The following FBN2 variants were observed in gnomAD, a reference collection of about 807,000 sequenced individuals.
FBN2 encodes fibrillin-2.
In FBN2, 105 loss-of-function variants were observed where a neutral mutation model predicts 355.6. The observed-to-expected ratio is 0.30, with a 90% CI of 0.25 to 0.35. The LOEUF is 0.35. FBN2 is among the 10% of genes least tolerant of loss of function. The pLI, the probability that FBN2 is intolerant of heterozygous loss-of-function variation, is 1.00. For missense variants in FBN2, 3,280 were observed against 3,758.7 expected, an observed-to-expected ratio of 0.87 and a Z score of 3.33; for synonymous variants, 1,350 against 1,301.2, an observed-to-expected ratio of 1.04 and a Z score of -0.81.
rs1561434159 is a variant in FBN2, at chr5:128,393,022, C to A, written c.1465+113G>T. ...TCTCTCGCACCCACAAACACACACA[C>A]ACATGTGCAAGTGTGTTCATACAAC... On this transcript the variant is annotated intron_variant, in intron 10 of 64. Coordinates refer to ENST00000262464, the MANE Select transcript of FBN2 (RefSeq NM_001999.4). 6 of 866,084 alleles carry A rather than the reference C, an allele frequency of 6.9e-6. No individual in the cohort carries two copies. In the East Asian group the frequency reaches 1.5e-4, roughly 22 times the overall value. 53.6% of individuals were successfully genotyped at this position (866,084 alleles called of 1,614,324 possible). A position where few individuals can be genotyped will look rare whatever the true frequency, so the allele number is the denominator to read the frequency against.
At position 128,527,965 on chromosome 5, in the gene FBN2, G is replaced by C; in HGVS notation, c.439C>G (p.Gln147Glu). 1 of 1,604,364 alleles carries C rather than the reference G, an allele frequency of 6.2e-7. No individual in the cohort carries two copies. The highest frequency in any genetic ancestry group is 1.1e-5 in the South Asian group (1 of 90,872). ...ISSTCGSKSI[Q>E]QCSVRCMNGG... is the part of the protein sequence containing the mutation. The stretch of plus-strand genomic sequence containing the variant: ...TTCATGCATCTCACACTGCACTGCT[G>C]AACTGCAAAGAGCAATAACAAAAAG... The change falls in exon 4 of 65, where the codon CAG becomes GAG. Residue 147 changes from glutamine to glutamate, a missense_variant and splice_region_variant. Gln to Glu is a conservative substitution (Grantham distance 29). This residue lies in a region of FBN2 where 130 missense variants were observed against 189.9 expected (regional missense o/e 0.68). Transcript: ENST00000262464.
intron 48 of FBN2, among the ~76,000 whole-genome samples, chr5:128,297,699 C>G (rs1749566762): frequency 6.6e-6 from 1 of 152,154 alleles, no homozygotes; most frequent in South Asian, 2.1e-4. Flanking sequence ...GTAGATCTTC[C>G]TCCATCCTTT....
At chr5:128,316,837 A>C (rs1383924559) in intron 36 of FBN2, among the ~76,000 whole-genome samples, 3 of 149,198 alleles carry the variant, frequency 2.0e-5, no homozygotes, top group Non-Finnish European at 4.4e-5. Context: ...CCTTTGTTCC[A>C]AGGAGGTTTT....
chr5:128,536,902 G>C (rs1028902120), intron 1 of FBN2, among the ~76,000 whole-genome samples: 1 of 151,908 alleles, frequency 6.6e-6, no homozygotes, highest in African/African-American at 2.4e-5. Flanking sequence ...TCGCAAGGTG[G>C]AGCGCTCGGG....
intron 53 of FBN2, among the ~76,000 whole-genome samples, chr5:128,287,996 C>A (rs368186809): frequency 6.6e-6 from 1 of 152,150 alleles, no homozygotes; most frequent in Admixed American, 6.5e-5. Flanking sequence ...GATGAGCCAC[C>A]GCCCTTCTGA....
At position 128,508,469 on chromosome 5, in the gene FBN2, T is replaced by C. The variant is rs762700666; in HGVS notation, c.628+10804A>G. ...ACCACACATCTTTAACTTATCAATG[T>C]CTATCTTCAAGTAACATAATTCTTG... is the stretch of plus-strand genomic sequence containing the variant. On this transcript the variant is annotated intron_variant, in intron 5 of 64. Coordinates refer to ENST00000262464, the MANE Select transcript of FBN2 (RefSeq NM_001999.4). 4.2e-4 allele frequency among the ~76,000 whole-genome samples: 64 copies of C among 152,164 alleles called. 1 individual carries two copies. Among genetic ancestry groups the C allele is most frequent in the Middle Eastern group, 6.8e-3 (2 of 294 alleles).
At chr5:128,422,228 G>A (rs1252648737) in intron 7 of FBN2, among the ~76,000 whole-genome samples, 6 of 152,190 alleles carry the variant, frequency 3.9e-5, no homozygotes, top group African/African-American at 1.4e-4. Flanking sequence ...CACAAAGTTT[G>A]TGGCAACATG....
chr5:128,453,996 C>CA (rs954417200), intron 6 of FBN2, among the ~76,000 whole-genome samples: 2 of 151,292 alleles, frequency 1.3e-5, no homozygotes, highest in Admixed American at 6.6e-5. Context: ...GCTTGCCCCC[C>CA]CCCCAAGTTT....
At chr5:128,286,522 G>A (rs986557156) in intron 55 of FBN2, among the ~76,000 whole-genome samples, 196 bp downstream of exon 55, 1 of 152,142 alleles carries the variant, frequency 6.6e-6, no homozygotes, top group Non-Finnish European at 1.5e-5. Context: ...ATGTATTCTT[G>A]AGCAGGCATA....
intron 5 of FBN2, 136 bp downstream of exon 5, chr5:128,519,137 T>C (rs1393791428): frequency 2.7e-6 from 2 of 730,084 alleles, no homozygotes; most frequent in Non-Finnish European, 2.4e-6. Flanking sequence ...AATCTTACCA[T>C]TCAACTTAGA....
chr5:128,379,291 A>G (rs949596094), intron 11 of FBN2, among the ~76,000 whole-genome samples: 8 of 152,148 alleles, frequency 5.3e-5, no homozygotes, highest in African/African-American at 1.9e-4. Context: ...CTGAAGATAT[A>G]TATTTATGTT....
chr5:128,520,110 C>T (rs1183864393), intron 4 of FBN2, among the ~76,000 whole-genome samples: 2 of 152,132 alleles, frequency 1.3e-5, no homozygotes, highest in Non-Finnish European at 2.9e-5. Context: ...AAACACACAG[C>T]ACACACTCTC....
intron 8 of FBN2, among the ~76,000 whole-genome samples, chr5:128,397,358 CA>C: frequency 6.6e-6 from 1 of 152,232 alleles, no homozygotes; most frequent in Non-Finnish European, 1.5e-5. Context: ...TTATAAAACA[CA>C]ATCAGTGCTA....
chr5:128,313,167 C>G (rs538313802), intron 36 of FBN2, among the ~76,000 whole-genome samples: 1 of 152,174 alleles, frequency 6.6e-6, no homozygotes, highest in African/African-American at 2.4e-5. Context: ...TTTCAACTTG[C>G]ATAGCTAACT....
chr5:128,436,611 C>T (rs1210520472), intron 7 of FBN2, among the ~76,000 whole-genome samples: 1 of 146,190 alleles, frequency 6.8e-6, no homozygotes, highest in East Asian at 2.0e-4. Context: ...TTTTGCTTAG[C>T]ACAAATAAGA....
At chr5:128,406,142 T>C (rs1356343369) in intron 8 of FBN2, among the ~76,000 whole-genome samples, 1 of 152,206 alleles carries the variant, frequency 6.6e-6, no homozygotes, top group African/African-American at 2.4e-5. Flanking sequence ...AATTATAAAG[T>C]AGTTCTCCCT....
chr5:128,280,366 GT>G, intron 55 of FBN2, 49 bp from the exon 56 acceptor site: 1 of 1,439,746 alleles, frequency 6.9e-7, no homozygotes, highest in Non-Finnish European at 9.8e-7. Flanking sequence ...TCAAATTATA[GT>G]TTACAAGCTA....
rs111243117 is a variant in FBN2 at position 128,355,190 on chromosome 5, C to G, written c.2674+2086G>C. Among the ~76,000 whole-genome samples the G allele has an allele frequency of 8.6e-4, 131 of 152,266 alleles. 2 individuals are homozygous for G. The highest frequency in any genetic ancestry group is 6.8e-3 in the Middle Eastern group (2 of 294). ...AACTGTGACAAATACTGCTAATAATCTAAGGTGAGGAATGAGAATAGACCA... is the reference window on the plus strand; with the variant it reads ...AACTGTGACAAATACTGCTAATAATGTAAGGTGAGGAATGAGAATAGACCA... On this transcript the variant is annotated intron_variant, in intron 20 of 64. Coordinates refer to ENST00000262464, the MANE Select transcript of FBN2 (RefSeq NM_001999.4).
chr5:128,298,131 A>G (rs1749582775), intron 48 of FBN2, among the ~76,000 whole-genome samples: 1 of 151,606 alleles, frequency 6.6e-6, no homozygotes, highest in African/African-American at 2.4e-5. Context: ...TCTGGGTTGA[A>G]AATTCTTTTC....
Sources: allele counts gnomAD v4.1 joint callset (sites outside exome capture counted in the v4.1 genomes callset), GRCh38; gene constraint gnomAD v4.1.1; regional missense constraint gnomAD v4.1.1; transcripts MANE v1.5; gene names NCBI Gene and HGNC (gene_info 2026-07-23, HGNC 2026-07-21).